Variants in KLF8 observed in about 807,000 individuals in gnomAD.
The protein encoded by KLF8 is KLF transcription factor 8.
KLF8 carries 10 observed loss-of-function variants against 18.2 expected under a neutral mutation model. The observed-to-expected ratio is 0.55, with a 90% CI of 0.34 to 0.93. The LOEUF is 0.93. Among genes scored for constraint, KLF8 ranks in the 40% least tolerant of loss-of-function variants. KLF8 has a pLI of 0.02. For missense variants in KLF8, 264 were observed against 277.9 expected (o/e 0.95, Z 0.36); for synonymous variants, 109 against 97.3 (o/e 1.12, Z -0.71).
the KLF8 span, among the ~76,000 whole-genome samples, chrX:56,171,795 C>T: frequency 1.8e-5 from 2 of 111,839 alleles, no homozygotes; most frequent in African/African-American, 6.5e-5. Context: ...GGGTTGGCTA[C>T]AAGTCCTTGC....
At chrX:56,184,399 C>A in the KLF8 span, among the ~76,000 whole-genome samples, 1 of 112,694 alleles carries the variant, frequency 8.9e-6, no homozygotes, top group Admixed American at 9.4e-5. Context: ...CCCACCACAG[C>A]TCAAGGAGGC....
the KLF8 span, among the ~76,000 whole-genome samples, chrX:56,213,324 T>C: frequency 6.6e-5 from 5 of 76,168 alleles, no homozygotes; most frequent in East Asian, 1.2e-3. Context: ...CTTTTTTTTT[T>C]TTTTTTTTTT....
rs1232789332 is a variant in KLF8, at chrX:56,289,334, C to T, written c.*4840C>T. 9.0e-6 allele frequency among the ~76,000 whole-genome samples: 1 copy of T among 110,541 alleles called. No homozygotes were observed. The highest frequency in any genetic ancestry group is 2.8e-4 in the East Asian group (1 of 3,516). The stretch of plus-strand genomic sequence containing the variant: ...CTCATCTTGTATATTTTGTGGCCTA[C>T]TCCTATAATCAGCCATTTCTTCAAG... On this transcript the variant is annotated 3_prime_UTR_variant, in exon 6 of 6. Coordinates refer to ENST00000468660, the MANE Select transcript of KLF8 (RefSeq NM_007250.5).
intron 1 of KLF8, chrX:56,243,275 A>C (rs751064655): frequency 2.4e-6 from 1 of 415,877 alleles, no homozygotes; most frequent in South Asian, 2.7e-5. Flanking sequence ...CTGGAAGGTG[A>C]GGGGTGTGTG....
At chrX:56,022,449 T>C in the KLF8 span, among the ~76,000 whole-genome samples, 1 of 100,820 alleles carries the variant, frequency 9.9e-6, no homozygotes, top group Admixed American at 1.1e-4. Context: ...CTCGGGAGGC[T>C]GAGGCAGGAG....
chrX:55,993,065 C>G, the KLF8 span, among the ~76,000 whole-genome samples: 1 of 111,262 alleles, frequency 9.0e-6, no homozygotes, highest in Non-Finnish European at 1.9e-5. Context: ...TTGCCTTCCT[C>G]TCTTCTTTTT....
the KLF8 span, among the ~76,000 whole-genome samples, chrX:56,133,004 G>T: frequency 6.3e-5 from 7 of 111,209 alleles, no homozygotes; most frequent in East Asian, 1.4e-3. Flanking sequence ...AACAAGCAGT[G>T]AGATTGAAAT....
At chrX:56,043,050 A>G in the KLF8 span, among the ~76,000 whole-genome samples, 2 of 111,712 alleles carry the variant, frequency 1.8e-5, no homozygotes, top group Non-Finnish European at 1.9e-5. Flanking sequence ...TCTGAAACAT[A>G]TCTTATTTCT....
At chrX:55,997,173 C>T in the KLF8 span, among the ~76,000 whole-genome samples, 1 of 111,865 alleles carries the variant, frequency 8.9e-6, no homozygotes, top group Non-Finnish European at 1.9e-5. Flanking sequence ...ACAGTAGGGG[C>T]ACTCACATCA....
the KLF8 span, among the ~76,000 whole-genome samples, chrX:56,173,536 G>T: frequency 8.9e-6 from 1 of 111,955 alleles, no homozygotes; most frequent in East Asian, 2.8e-4. Flanking sequence ...GTAGCGTGAT[G>T]CCTCCAGCTT....
At chrX:56,080,866 C>G in the KLF8 span, among the ~76,000 whole-genome samples, 4 of 110,610 alleles carry the variant, frequency 3.6e-5, no homozygotes, top group Non-Finnish European at 5.7e-5. Flanking sequence ...TCTTTTTTCT[C>G]TAAACTTCCC....
At chrX:56,159,311 G>A in the KLF8 span, among the ~76,000 whole-genome samples, 2 of 111,916 alleles carry the variant, frequency 1.8e-5, no homozygotes, top group African/African-American at 3.2e-5. Context: ...GAGGATTTTA[G>A]CATCGATGTT....
At chrX:56,159,977 TA>T in the KLF8 span, among the ~76,000 whole-genome samples, 1 of 111,904 alleles carries the variant, frequency 8.9e-6, no homozygotes, top group African/African-American at 3.3e-5. Context: ...TTAATTGTGA[TA>T]TTAGGGTGTC....
In KLF8 at chrX:56,265,595, T is replaced by A. The variant is rs1209125016; in HGVS notation, c.497T>A (p.Val166Asp). Residue 166 changes from valine (V) to aspartate (D), a missense_variant, in exon 3 of 6, where the codon GTC becomes GAC. Physicochemically the swap from Val to Asp is radical, Grantham distance 152. Transcript: ENST00000468660. The part of the protein sequence containing the change: ...ILHVIHTIPS[V>D]SLPNKMGGLK... ...CATGTCATTCACACTATCCCCTCAGTCAGTCTGCCAAATAAGATGGGTGGC... is the reference window on the plus strand; with the variant it reads ...CATGTCATTCACACTATCCCCTCAGACAGTCTGCCAAATAAGATGGGTGGC... 2 of 1,210,135 alleles carry A rather than the reference T, an allele frequency of 1.7e-6. No homozygotes were observed. The highest frequency in any genetic ancestry group is 2.2e-6 in the Non-Finnish European group (2 of 895,243).
the KLF8 span, among the ~76,000 whole-genome samples, chrX:56,197,775 A>G: frequency 1.8e-5 from 2 of 111,521 alleles, no homozygotes; most frequent in Non-Finnish European, 3.8e-5. Flanking sequence ...CCTGGCAGAG[A>G]CACAACAAAA....
intron 2 of KLF8, among the ~76,000 whole-genome samples, chrX:56,256,284 A>G (rs769997099): frequency 9.0e-6 from 1 of 110,915 alleles, no homozygotes; most frequent in South Asian, 3.8e-4. Flanking sequence ...TTTTCTCATT[A>G]GCCTGGCTAA....
At chrX:56,061,607 G>A in the KLF8 span, among the ~76,000 whole-genome samples, 9 of 111,699 alleles carry the variant, frequency 8.1e-5, no homozygotes, top group African/African-American at 2.9e-4. Context: ...TTTAGAATAA[G>A]TGCAATGTGG....
intron 1 of KLF8, among the ~76,000 whole-genome samples, chrX:56,237,399 A>G (rs949833978): frequency 2.9e-4 from 31 of 106,441 alleles, no homozygotes; most frequent in African/African-American, 8.2e-4. Flanking sequence ...TTATATATAT[A>G]TGTGTGTGTG....
chrX:56,025,294 C>T, the KLF8 span, among the ~76,000 whole-genome samples: 2 of 112,326 alleles, frequency 1.8e-5, no homozygotes, highest in African/African-American at 6.5e-5. Flanking sequence ...GATATTTATT[C>T]TAGGATCTTG....
Sources: gnomAD v4.1 joint callset for allele counts (sites outside exome capture counted in the v4.1 genomes callset) on GRCh38, gnomAD v4.1.1 for gene constraint, MANE v1.5 for transcripts, NCBI Gene and HGNC (gene_info 2026-07-23, HGNC 2026-07-21) for gene names.